The following NR2F1-AS1 variants were observed in gnomAD, a reference collection of about 807,000 sequenced individuals.
NR2F1-AS1 encodes the protein NR2F1 antisense RNA 1.
intron 4 of NR2F1-AS1, among the ~76,000 whole-genome samples, chr5:93,443,845 A>G (rs1255689644): frequency 2.6e-5 from 4 of 152,240 alleles, no homozygotes; most frequent in African/African-American, 4.8e-5. Context: ...GACTAACAGC[A>G]GATCTCTTGG....
At chr5:93,424,464 T>C (rs1018564551) in intron 4 of NR2F1-AS1, among the ~76,000 whole-genome samples, 1 of 152,120 alleles carries the variant, frequency 6.6e-6, no homozygotes, top group Non-Finnish European at 1.5e-5. Context: ...ACACTTCCCA[T>C]TCTCACCCCA....
chr5:93,569,497 T>C (rs531716376), intron 1 of NR2F1-AS1, among the ~76,000 whole-genome samples: 2 of 152,322 alleles, frequency 1.3e-5, no homozygotes, highest in Non-Finnish European at 2.9e-5. Flanking sequence ...TTTGAAGAAA[T>C]GGAGCGCTGG....
chr5:93,566,185 A>G (rs1752613683), intron 1 of NR2F1-AS1, among the ~76,000 whole-genome samples: 1 of 152,046 alleles, frequency 6.6e-6, no homozygotes, highest in Non-Finnish European at 1.5e-5. Flanking sequence ...GTCATTCAGC[A>G]AAATATATTT....
At chr5:93,500,014 G>A (rs1036448093) in intron 4 of NR2F1-AS1, among the ~76,000 whole-genome samples, 2 of 152,180 alleles carry the variant, frequency 1.3e-5, no homozygotes, top group African/African-American at 2.4e-5. Context: ...GTTGGTTCAC[G>A]AGGTTTAACG....
At chr5:93,561,443 A>G (rs1320718302) in intron 2 of NR2F1-AS1, among the ~76,000 whole-genome samples, 2 of 152,106 alleles carry the variant, frequency 1.3e-5, no homozygotes, top group Non-Finnish European at 2.9e-5. Flanking sequence ...AAGCTAATGT[A>G]TGGTCAAGAC....
At chr5:93,477,084 C>G (rs1234082780) in intron 4 of NR2F1-AS1, among the ~76,000 whole-genome samples, 1 of 152,126 alleles carries the variant, frequency 6.6e-6, no homozygotes, top group Non-Finnish European at 1.5e-5. Context: ...GGTGGGAATA[C>G]TTTGCATTGT....
At chr5:93,467,519 G>T (rs1750264632) in intron 4 of NR2F1-AS1, among the ~76,000 whole-genome samples, 1 of 152,086 alleles carries the variant, frequency 6.6e-6, no homozygotes, top group Non-Finnish European at 1.5e-5. Context: ...CCGTTCAGTT[G>T]ATTTGACTTT....
intron 1 of NR2F1-AS1, among the ~76,000 whole-genome samples, chr5:93,573,483 AC>A (rs1752824535): frequency 6.6e-6 from 1 of 152,204 alleles, no homozygotes; most frequent in South Asian, 2.1e-4. Flanking sequence ...ATCACACGCA[AC>A]TGGGAGATCC....
At chr5:93,417,494 C>T (rs1250265057) in intron 4 of NR2F1-AS1, among the ~76,000 whole-genome samples, 1 of 152,196 alleles carries the variant, frequency 6.6e-6, no homozygotes, top group Admixed American at 6.5e-5. Context: ...TTCAATCTTA[C>T]AAGTTTAAAT....
intron 4 of NR2F1-AS1, among the ~76,000 whole-genome samples, chr5:93,431,848 T>A (rs1017987520): frequency 6.6e-6 from 1 of 152,188 alleles, no homozygotes; most frequent in African/African-American, 2.4e-5. Context: ...ACACTGTAAA[T>A]GAGTTTGATT....
chr5:93,534,819 T>G (rs1428163886), intron 4 of NR2F1-AS1, among the ~76,000 whole-genome samples: 1 of 152,180 alleles, frequency 6.6e-6, no homozygotes, highest in Non-Finnish European at 1.5e-5. Flanking sequence ...ATGAACATTT[T>G]TAAAGAGGTT....
chr5:93,482,423 C>G (rs1299691134), intron 4 of NR2F1-AS1, among the ~76,000 whole-genome samples: 2 of 152,088 alleles, frequency 1.3e-5, no homozygotes, highest in Non-Finnish European at 1.5e-5. Context: ...CCAACTCAGA[C>G]ACTATGCTTT....
At chr5:93,583,017 T>C (rs1753148310), upstream of NR2F1-AS1, among the ~76,000 whole-genome samples, 1 of 152,122 alleles carries the variant, frequency 6.6e-6, no homozygotes, top group Non-Finnish European at 1.5e-5. Context: ...GCAGGAGGCT[T>C]GGCTAACCTT....
At chr5:93,493,450 G>C (rs1371799033) in intron 4 of NR2F1-AS1, among the ~76,000 whole-genome samples, 2 of 151,866 alleles carry the variant, frequency 1.3e-5, no homozygotes, top group Non-Finnish European at 2.9e-5. Flanking sequence ...TGAATTGTAA[G>C]ACTTAATATT....
At chr5:93,583,382 CTT>C (rs1753162410), upstream of NR2F1-AS1, 1 of 150,846 alleles carries the variant, frequency 6.6e-6, no homozygotes, top group Non-Finnish European at 1.5e-5. Context: ...TCTCTCCTCT[CTT>C]CTCTGAACCT....
intron 4 of NR2F1-AS1, among the ~76,000 whole-genome samples, chr5:93,473,479 T>C (rs916017691): frequency 6.6e-6 from 1 of 151,812 alleles, no homozygotes; most frequent in East Asian, 1.9e-4. Flanking sequence ...CTCACAAGTA[T>C]ATAATTAGTT....
At chr5:93,533,561 A>G (rs1751776170) in intron 4 of NR2F1-AS1, among the ~76,000 whole-genome samples, 1 of 152,170 alleles carries the variant, frequency 6.6e-6, no homozygotes, top group Non-Finnish European at 1.5e-5. Flanking sequence ...TAAATGGTAA[A>G]TAATGGATTT....
intron 4 of NR2F1-AS1, among the ~76,000 whole-genome samples, chr5:93,500,971 G>A (rs907503578): frequency 4.6e-5 from 7 of 152,088 alleles, no homozygotes; most frequent in African/African-American, 7.2e-5. Context: ...CATAGATAGC[G>A]ATTCCTCTGA....
chr5:93,511,515 T>C (rs1031974624), intron 4 of NR2F1-AS1, among the ~76,000 whole-genome samples: 1 of 152,200 alleles, frequency 6.6e-6, no homozygotes, highest in African/African-American at 2.4e-5. Context: ...TAGGTAATGA[T>C]GGATCTCATA....
Sources: gnomAD v4.1 joint callset for allele counts (sites outside exome capture counted in the v4.1 genomes callset) on GRCh38, gnomAD v4.1.1 for gene constraint, MANE v1.5 for transcripts, NCBI Gene and HGNC (gene_info 2026-07-23, HGNC 2026-07-21) for gene names.